Variants in SNRPN observed in about 807,000 individuals in gnomAD.
SNRPN encodes the protein small nuclear ribonucleoprotein-associated protein N.
In SNRPN, 7 loss-of-function variants were observed where a neutral mutation model predicts 25.2. The ratio of observed to expected loss-of-function variants is 0.28; its 90% CI spans 0.16 to 0.52. The LOEUF is 0.52. Among genes scored for constraint, SNRPN ranks in the 20% least tolerant of loss-of-function variants. The pLI is 0.96. For synonymous variants in SNRPN, 124 were observed against 110.6 expected (o/e 1.12, Z -0.76); for missense variants, 196 against 322.5 (o/e 0.61, Z 3.00).
chr15:24,886,103 G>A (rs1451490157), intron 1 of SNRPN, among the ~76,000 whole-genome samples: 1 of 152,054 alleles, frequency 6.6e-6, no homozygotes. Context: ...GCACTTTCTT[G>A]TAAAATGCAG....
At chr15:24,909,523 A>G in intron 2 of SNRPN, 1 of 1,491,668 alleles carries the variant, frequency 6.7e-7, no homozygotes, top group Non-Finnish European at 9.2e-7. Flanking sequence ...GCAGGCCAGT[A>G]CAATATGCTG....
chr15:24,975,685 A>G (rs911906993), intron 5 of SNRPN, among the ~76,000 whole-genome samples, 176 bp downstream of exon 5: 4 of 151,934 alleles, frequency 2.6e-5, no homozygotes, highest in Non-Finnish European at 4.4e-5. Context: ...CTGCATCTGA[A>G]CTCTTTTAAG....
At chr15:24,883,525 T>A (rs981321763) in intron 1 of SNRPN, among the ~76,000 whole-genome samples, 8 of 152,166 alleles carry the variant, frequency 5.3e-5, no homozygotes, top group African/African-American at 1.9e-4. Flanking sequence ...CCCTGCATCC[T>A]CCACCAGGCT....
chr15:24,936,129 AT>A (rs892083229), intron 3 of SNRPN, among the ~76,000 whole-genome samples: 10 of 151,708 alleles, frequency 6.6e-5, no homozygotes, highest in African/African-American at 2.4e-4. Flanking sequence ...AAAAAAAAAA[AT>A]TGTGTTATTT....
chr15:24,978,048 A>C, intron 8 of SNRPN, 132 bp downstream of exon 8: 1 of 1,186,124 alleles, frequency 8.4e-7, no homozygotes, highest in South Asian at 1.5e-5. Context: ...TTTTTAATGA[A>C]AGACATAGAA....
intron 2 of SNRPN, among the ~76,000 whole-genome samples, chr15:24,902,755 C>CG (rs2058544767): frequency 6.6e-6 from 1 of 152,200 alleles, no homozygotes; most frequent in South Asian, 2.1e-4. Context: ...GTCTCGCCGG[C>CG]TTCAGGAGTG....
upstream of SNRPN, among the ~76,000 whole-genome samples, chr15:24,853,709 AG>A (rs2053108574): frequency 6.6e-6 from 1 of 152,282 alleles, no homozygotes; most frequent in African/African-American, 2.4e-5. Flanking sequence ...TTTCAAAAGG[AG>A]GACTACACAG....
intron 2 of SNRPN, chr15:24,851,234 G>C (rs2052796557): frequency 6.6e-6 from 1 of 152,184 alleles, no homozygotes; most frequent in South Asian, 2.1e-4. Context: ...GGGGCTCATA[G>C]GTGAACAACA....
chr15:24,844,430 AT>A (rs2052007978), intron 2 of SNRPN, among the ~76,000 whole-genome samples: 1 of 151,984 alleles, frequency 6.6e-6, no homozygotes, highest in Non-Finnish European at 1.5e-5. Context: ...TACCGAAAAT[AT>A]TTTTTTCTGA....
intron 2 of SNRPN, among the ~76,000 whole-genome samples, chr15:24,846,632 G>A (rs917189055): frequency 2.6e-5 from 4 of 152,174 alleles, no homozygotes; most frequent in Non-Finnish European, 5.9e-5. Flanking sequence ...ATTAGAATTA[G>A]ACAAGACAAA....
chr15:24,881,647 G>C (rs954560135), intron 1 of SNRPN, among the ~76,000 whole-genome samples: 1 of 147,500 alleles, frequency 6.8e-6, no homozygotes, highest in African/African-American at 2.5e-5. Flanking sequence ...CCCTAGCAGA[G>C]TGAAACAAAA....
chr15:24,908,778 T>G (rs1007474164), intron 2 of SNRPN, among the ~76,000 whole-genome samples: 2 of 152,188 alleles, frequency 1.3e-5, no homozygotes, highest in Non-Finnish European at 2.9e-5. Context: ...TTTCCTTCAA[T>G]CTATATCTAA....
intron 1 of SNRPN, among the ~76,000 whole-genome samples, chr15:24,879,369 G>A (rs1329074832): frequency 1.3e-5 from 2 of 151,812 alleles, no homozygotes; most frequent in Non-Finnish European, 2.9e-5. Context: ...CCTGGGAGGC[G>A]GTGGTTGCAG....
intron 2 of SNRPN, among the ~76,000 whole-genome samples, chr15:24,912,183 A>G (rs895380402): frequency 3.9e-5 from 6 of 152,098 alleles, no homozygotes; most frequent in African/African-American, 1.4e-4. Flanking sequence ...GGGTCGAGCT[A>G]TGTCACCCAG....
At chr15:24,915,449 G>A (rs978608835) in intron 2 of SNRPN, among the ~76,000 whole-genome samples, 2 of 152,094 alleles carry the variant, frequency 1.3e-5, no homozygotes, top group Non-Finnish European at 2.9e-5. Flanking sequence ...TTGATAAACA[G>A]ACTTCCTTGT....
intron 6 of SNRPN, 84 bp from the exon 7 acceptor site, chr15:24,976,793 G>C: frequency 8.1e-7 from 1 of 1,237,960 alleles, no homozygotes; most frequent in South Asian, 1.3e-5. Context: ...TGGGAAAATG[G>C]TGGAGAGAAG....
intron 1 of SNRPN, among the ~76,000 whole-genome samples, chr15:24,879,020 ATATTTTTAAAATATATTTAAAAAAG>A (rs1258129715): frequency 2.6e-5 from 4 of 151,940 alleles, no homozygotes; most frequent in Non-Finnish European, 4.4e-5. Context: ...TTTCAAAAAT[ATATTTTTAAAATATATTTAAAAAAG>A]TATTTTTAAA....
intron 2 of SNRPN, chr15:24,848,597 C>G (rs184788649): frequency 6.6e-6 from 1 of 152,110 alleles, no homozygotes; most frequent in Non-Finnish European, 1.5e-5. Flanking sequence ...TTATATTCTT[C>G]CTTTTCAGTA....
At chr15:24,843,954 T>C (rs952827302) in intron 2 of SNRPN, among the ~76,000 whole-genome samples, 2 of 150,954 alleles carry the variant, frequency 1.3e-5, no homozygotes, top group African/African-American at 4.9e-5. Flanking sequence ...GCCTGGGCGA[T>C]AGAGCTGACT....
Sources: gnomAD v4.1 joint callset for allele counts (sites outside exome capture counted in the v4.1 genomes callset) on GRCh38, gnomAD v4.1.1 for gene constraint, MANE v1.5 for transcripts, NCBI Gene and HGNC (gene_info 2026-07-23, HGNC 2026-07-21) for gene names.